The following DOK6 variants were observed in gnomAD, a reference collection of about 807,000 sequenced individuals.
DOK6 encodes docking protein 6, also known as downstream of tyrosine kinase 6.
In DOK6, 22 loss-of-function variants were observed where a neutral mutation model predicts 44.0. The ratio of observed to expected loss-of-function variants is 0.50; its 90% CI spans 0.36 to 0.71. The LOEUF (loss-of-function observed/expected upper bound fraction) is 0.71, where lower values mean the gene tolerates loss of function less well. DOK6 is among the 30% of genes least tolerant of loss of function. DOK6 has a pLI of 0.00. For missense variants in DOK6, 340 were observed against 416.4 expected (o/e 0.82, Z 1.60); for synonymous variants, 166 against 145.5 (o/e 1.14, Z -1.01).
chr18:69,677,628 G>A, intron 3 of DOK6, 106 bp from the exon 4 acceptor site: 1 of 1,569,570 alleles, frequency 6.4e-7, no homozygotes, highest in Non-Finnish European at 8.7e-7. Flanking sequence ...TTTAAAGGCA[G>A]GTTCTTAACT....
In DOK6 at chr18:69,547,942, A is replaced by AAT. The variant is rs1555712048; in HGVS notation, c.67-16537_67-16536dup. 3.2e-3 allele frequency among the ~76,000 whole-genome samples: 453 copies of AAT among 139,626 alleles called. 15 individuals carry two copies. The highest frequency in any genetic ancestry group is 2.2e-3 in the Non-Finnish European group (138 of 62,282). The allele number at this position is 139,626 out of a possible 152,430, so 91.6% of individuals were successfully genotyped here. On this transcript the variant is annotated intron_variant, in intron 1 of 7. Coordinates refer to ENST00000382713, the MANE Select transcript of DOK6 (RefSeq NM_152721.6). Reference sequence around the variant, plus strand: ...TATATATAATATATAATATATATATAATATATATAAAATATATATATATGT... The same window carrying AAT: ...TATATATAATATATAATATATATATAATATATATATAAAATATATATATATGT...
chr18:69,597,786 A>G (rs367910784), intron 2 of DOK6, among the ~76,000 whole-genome samples: 8 of 152,214 alleles, frequency 5.3e-5, no homozygotes, highest in Admixed American at 5.2e-4. Flanking sequence ...GCATATCTGG[A>G]GACTCAAAGT....
chr18:69,586,488 T>C (rs1481573362), intron 2 of DOK6, among the ~76,000 whole-genome samples: 3 of 152,096 alleles, frequency 2.0e-5, no homozygotes, highest in African/African-American at 4.8e-5. Context: ...ATAAATAAAA[T>C]AAACTATGAT....
chr18:69,840,668 T>C (rs1249646706), intron 7 of DOK6, among the ~76,000 whole-genome samples: 1 of 152,238 alleles, frequency 6.6e-6, no homozygotes, highest in African/African-American at 2.4e-5. Context: ...GGGTTAACCA[T>C]ATCATGAAGT....
chr18:69,480,691 C>G lies in DOK6; in HGVS notation c.66+79381C>G, dbSNP rs139294685. On this transcript the variant is annotated intron_variant, in intron 1 of 7. Transcript: ENST00000382713. ...GGCGTCTTGGTGTAGTGAGAAATGT[C>G]TTACACGTGTGGGGAAGGAGATATG... 2.0e-5 allele frequency among the ~76,000 whole-genome samples: 3 copies of G among 152,224 alleles called. No homozygotes were observed. The East Asian group carries it at 5.8e-4, about 29-fold the overall frequency.
rs78901440 is a variant in DOK6, at chr18:69,788,164, G to A, written c.856+30291G>A. On this transcript the variant is annotated intron_variant, in intron 7 of 7. Coordinates refer to ENST00000382713, the MANE Select transcript of DOK6 (RefSeq NM_152721.6). ...GAAGTCAACTCCCAAGTGCCTAAAG[G>A]ATTATTAAATAACCAGGGGTAATCT... 9.8e-4 allele frequency among the ~76,000 whole-genome samples: 149 copies of A among 152,230 alleles called. 4 individuals carry two copies. The East Asian group carries it at 0.022, about 22-fold the overall frequency.
intron 7 of DOK6, among the ~76,000 whole-genome samples, chr18:69,804,330 G>T (rs1464791120): frequency 3.3e-5 from 5 of 152,140 alleles, no homozygotes; most frequent in Non-Finnish European, 7.4e-5. Flanking sequence ...TCAGAAAAAT[G>T]AAGACATTTT....
chr18:69,712,842 G>C (rs969220107), intron 5 of DOK6, among the ~76,000 whole-genome samples: 5 of 152,268 alleles, frequency 3.3e-5, no homozygotes, highest in African/African-American at 9.6e-5. Context: ...GTGAGACTCT[G>C]TTTCAACAAC....
intron 1 of DOK6, among the ~76,000 whole-genome samples, chr18:69,419,945 T>C (rs879286899): frequency 6.6e-6 from 1 of 152,180 alleles, no homozygotes; most frequent in Admixed American, 6.5e-5. Context: ...GCAATATCAA[T>C]TGATTGCAAT....
intron 3 of DOK6, among the ~76,000 whole-genome samples, chr18:69,602,095 G>A (rs896023584): frequency 5.3e-5 from 8 of 152,148 alleles, no homozygotes; most frequent in African/African-American, 1.9e-4. Flanking sequence ...CAGAGGAGGT[G>A]GAGCATGACT....
At chr18:69,733,191 GA>G (rs34142470) in intron 5 of DOK6, among the ~76,000 whole-genome samples, 33,272 of 146,708 alleles carry the variant, frequency 0.23, 3,835 homozygotes, top group Middle Eastern at 0.29. Context: ...TTGTCTCTAT[GA>G]AAAAAAAAAA....
At chr18:69,627,568 C>T (rs1015742201) in intron 3 of DOK6, among the ~76,000 whole-genome samples, 2 of 152,170 alleles carry the variant, frequency 1.3e-5, no homozygotes, top group African/African-American at 4.8e-5. Flanking sequence ...CCTGCTTCGG[C>T]CTCCCAAGTA....
chr18:69,493,364 C>T (rs1226158050), intron 1 of DOK6, among the ~76,000 whole-genome samples: 2 of 152,266 alleles, frequency 1.3e-5, no homozygotes, highest in East Asian at 3.9e-4. Flanking sequence ...CATGGACATC[C>T]ATGCATTACA....
At chr18:69,436,266 C>G (rs1206858451) in intron 1 of DOK6, among the ~76,000 whole-genome samples, 1 of 151,796 alleles carries the variant, frequency 6.6e-6, no homozygotes, top group Non-Finnish European at 1.5e-5. Context: ...TTTGCTGCAC[C>G]CATCAACCCA....
At chr18:69,666,380 A>G (rs1239900118) in intron 3 of DOK6, among the ~76,000 whole-genome samples, 1 of 152,218 alleles carries the variant, frequency 6.6e-6, no homozygotes, top group African/African-American at 2.4e-5. Context: ...CTGAGCACCA[A>G]GACAGTGACA....
At chr18:69,675,414 C>T (rs1985898691) in intron 3 of DOK6, among the ~76,000 whole-genome samples, 1 of 152,192 alleles carries the variant, frequency 6.6e-6, no homozygotes, top group Non-Finnish European at 1.5e-5. Context: ...TAGATATTTT[C>T]ATCCTTATCT....
At chr18:69,608,277 A>AC (rs1330240551) in intron 3 of DOK6, among the ~76,000 whole-genome samples, 5 of 152,194 alleles carry the variant, frequency 3.3e-5, no homozygotes, top group African/African-American at 2.4e-5. Flanking sequence ...TTCTTTGACC[A>AC]CTATGTGTTC....
At chr18:69,531,023 T>C (rs1240328022) in intron 1 of DOK6, among the ~76,000 whole-genome samples, 1 of 152,030 alleles carries the variant, frequency 6.6e-6, no homozygotes, top group Admixed American at 6.6e-5. Flanking sequence ...GCCTTCTTTG[T>C]CTCTTTTGAT....
At chr18:69,594,972 A>G (rs1323977126) in intron 2 of DOK6, among the ~76,000 whole-genome samples, 1 of 152,202 alleles carries the variant, frequency 6.6e-6, no homozygotes, top group African/African-American at 2.4e-5. Flanking sequence ...ATAATGAACT[A>G]GTTAAAAAAG....
Sources: allele counts gnomAD v4.1 joint callset (sites outside exome capture counted in the v4.1 genomes callset), GRCh38; gene constraint gnomAD v4.1.1; transcripts MANE v1.5; gene names NCBI Gene and HGNC (gene_info 2026-07-23, HGNC 2026-07-21).